Variants in NTSR1 observed in about 807,000 individuals in gnomAD.
NTSR1 encodes neurotensin receptor 1, also known as neurotensin receptor type 1.
In NTSR1, 29 loss-of-function variants were observed where a neutral mutation model predicts 31.2. The ratio of observed to expected loss-of-function variants is 0.93; its 90% CI spans 0.69 to 1.27. The LOEUF (loss-of-function observed/expected upper bound fraction) is 1.27, where lower values mean the gene tolerates loss of function less well. NTSR1 is among the 50% of genes most tolerant of loss of function. NTSR1 has a pLI of 0.00. For synonymous variants in NTSR1, 282 were observed against 269.9 expected (o/e 1.04, Z -0.44); for missense variants, 697 against 595.4 (o/e 1.17, Z -1.78).
At chr20:62,759,867 T>C in intron 3 of NTSR1, 151 bp from the exon 4 acceptor site, 1 of 750,606 alleles carries the variant, frequency 1.3e-6, no homozygotes, top group Non-Finnish European at 2.2e-6. Context: ...TGGAGCTTGT[T>C]ATGAAATGTC....
intron 1 of NTSR1, among the ~76,000 whole-genome samples, chr20:62,718,103 C>A (rs764717713): frequency 6.6e-6 from 1 of 152,086 alleles, no homozygotes; most frequent in Non-Finnish European, 1.5e-5. Flanking sequence ...GCGGGGTGGC[C>A]GGAGCGGAGG....
At chr20:62,725,532 G>T (rs942002549) in intron 1 of NTSR1, among the ~76,000 whole-genome samples, 27 of 152,292 alleles carry the variant, frequency 1.8e-4, no homozygotes, top group Admixed American at 1.3e-3. Context: ...GTGGAAAGAG[G>T]TCCCCTGGAT....
chr20:62,760,449 G>A lies in NTSR1; in HGVS notation c.*182G>A, dbSNP rs372564369. On this transcript the variant is annotated 3_prime_UTR_variant, in exon 4 of 4. Transcript: ENST00000370501. ...CCCATGTTTCTCATTAGTGTCTCCC[G>A]GGCCTGTCCCCAACTCCTCCCCACC... 7.8e-5 allele frequency: 43 copies of A among 552,386 alleles called. No homozygotes were observed. Among genetic ancestry groups the A allele is most frequent in the Non-Finnish European group, 9.8e-5 (33 of 336,244 alleles). 34.2% of individuals were successfully genotyped at this position (552,386 alleles called of 1,614,324 possible). A position where few individuals can be genotyped will look rare whatever the true frequency, so the allele number is the denominator to read the frequency against.
chr20:62,743,304 G>T lies in NTSR1; in HGVS notation c.715-11381G>T, dbSNP rs1006935342. On this transcript the variant is annotated intron_variant, in intron 1 of 3. Coordinates refer to ENST00000370501, the MANE Select transcript of NTSR1 (RefSeq NM_002531.3). The surrounding 1 kb of genome is among the most constrained non-coding windows in gnomAD (Gnocchi z 7.5). ...GGGTTTCGAACAAGCCTGTGCTGACGGCCCTGGCACACAGGGTTTCTGAAT... is the reference window on the plus strand; with the variant it reads ...GGGTTTCGAACAAGCCTGTGCTGACTGCCCTGGCACACAGGGTTTCTGAAT... Among the ~76,000 whole-genome samples, 1 of 145,602 alleles carries T rather than the reference G, an allele frequency of 6.9e-6. No homozygotes were observed. Among genetic ancestry groups the T allele is most frequent in the Admixed American group, 7.1e-5 (1 of 14,112 alleles).
intron 1 of NTSR1, among the ~76,000 whole-genome samples, chr20:62,746,912 T>C (rs939288455): frequency 1.3e-5 from 2 of 152,232 alleles, no homozygotes; most frequent in African/African-American, 4.8e-5. Flanking sequence ...TTCTAACTCA[T>C]CTTACAAGGT....
Position 62,759,590 on chromosome 20 carries a change from C to T in NTSR1, c.1008-428C>T, listed in dbSNP as rs546551345. ...GAGATCGAGACCATCCTGGCTAACA[C>T]GGTGAAACCCCGTCTCTACCAAAAA... On this transcript the variant is annotated intron_variant, in intron 3 of 3. Coordinates refer to ENST00000370501, the MANE Select transcript of NTSR1 (RefSeq NM_002531.3). Among the ~76,000 whole-genome samples the T allele has an allele frequency of 7.6e-3, 1,159 of 152,008 alleles. 17 individuals are homozygous for T. The highest frequency in any genetic ancestry group is 0.026 in the African/African-American group (1,084 of 41,452).
At position 62,709,093 on chromosome 20, in the gene NTSR1, C is replaced by G; in HGVS notation, c.-115C>G. 1.2e-6 allele frequency: 1 copy of G among 869,414 alleles called. No individual in the cohort carries two copies. The highest frequency in any genetic ancestry group is 1.6e-6 in the Non-Finnish European group (1 of 626,776). 53.9% of individuals were successfully genotyped at this position (869,414 alleles called of 1,614,324 possible). On this transcript the variant is annotated 5_prime_UTR_variant, in exon 1 of 4. Transcript: ENST00000370501. The stretch of plus-strand genomic sequence containing the variant: ...TGGACGGCGCGCCCGCTGGTCTTCG[C>G]CACGCGCCCTCCCCTGGGCTCCCGT...
Position 62,758,356 on chromosome 20 carries a change from C to G in NTSR1, c.1007C>G (p.Pro336Arg), listed in dbSNP as rs138591224. Residue 336 changes from proline to arginine, a missense_variant and splice_region_variant, in exon 3 of 4, where the codon CCG (proline) becomes CGG (arginine). Physicochemically the swap from Pro to Arg is moderately radical, Grantham distance 103 (BLOSUM62 -2). Coordinates refer to ENST00000370501, the MANE Select transcript of NTSR1 (RefSeq NM_002531.3). This position sits in a 1 kb window ranked among gnomAD's most constrained non-coding sequence, Gnocchi z 4.5. ...FCYISDEQWT[P>R]FLYDFYHYFY... The stretch of plus-strand genomic sequence containing the variant: ...TACATCTCGGATGAGCAGTGGACTC[C>G]GTGAGTACCGGGAACCAGGAAGTTG... The G allele has an allele frequency of 6.8e-6, 11 of 1,613,058 alleles. No homozygotes were observed. The highest frequency in any genetic ancestry group is 8.5e-6 in the Non-Finnish European group (10 of 1,179,600).
At chr20:62,749,743 G>C (rs1300502438) in intron 1 of NTSR1, among the ~76,000 whole-genome samples, 1 of 152,164 alleles carries the variant, frequency 6.6e-6, no homozygotes, top group African/African-American at 2.4e-5. Context: ...ACCACAGTGA[G>C]CTATCACTGT....
At chr20:62,729,894 A>G (rs544621383) in intron 1 of NTSR1, among the ~76,000 whole-genome samples, 15 of 152,240 alleles carry the variant, frequency 9.9e-5, no homozygotes, top group African/African-American at 3.4e-4. Flanking sequence ...AAGTGCTGGG[A>G]TGACAGGCCT....
chr20:62,719,840 C>T (rs1364163066), intron 1 of NTSR1, among the ~76,000 whole-genome samples: 1 of 152,182 alleles, frequency 6.6e-6, no homozygotes, highest in Non-Finnish European at 1.5e-5. Context: ...TTATCTTCAT[C>T]TGGTTTTCTG....
chr20:62,721,868 G>A (rs1259174733), intron 1 of NTSR1, among the ~76,000 whole-genome samples: 1 of 152,098 alleles, frequency 6.6e-6, no homozygotes, highest in Non-Finnish European at 1.5e-5. Context: ...ATTTGCTCTT[G>A]GAATGGTTGC....
intron 1 of NTSR1, among the ~76,000 whole-genome samples, chr20:62,724,381 AC>A (rs1264928738): frequency 6.6e-6 from 1 of 152,142 alleles, no homozygotes; most frequent in Non-Finnish European, 1.5e-5. Flanking sequence ...CAAGGCCCCT[AC>A]CCTGGCGAAC....
chr20:62,723,178 G>A (rs540016491), intron 1 of NTSR1, among the ~76,000 whole-genome samples: 32 of 152,280 alleles, frequency 2.1e-4, no homozygotes, highest in African/African-American at 6.5e-4. Flanking sequence ...ATTCAAACAC[G>A]GTTCCTCTCC....
chr20:62,713,577 G>T lies in NTSR1; in HGVS notation c.714+3656G>T, dbSNP rs1272007059. ...AGCAACCTCCACAGGCAGCATCCTT[G>T]TTCTTAGGAAGGATACAGAGGTGTT... On this transcript the variant is annotated intron_variant, in intron 1 of 3. Coordinates refer to ENST00000370501, the MANE Select transcript of NTSR1 (RefSeq NM_002531.3). 2.0e-5 allele frequency among the ~76,000 whole-genome samples: 3 copies of T among 152,218 alleles called. No homozygotes were observed. In the East Asian group the frequency reaches 5.8e-4, roughly 29 times the overall value.
At chr20:62,712,536 C>A (rs4270401) in intron 1 of NTSR1, among the ~76,000 whole-genome samples, 2 of 152,200 alleles carry the variant, frequency 1.3e-5, no homozygotes, top group Non-Finnish European at 2.9e-5. Context: ...GGGCATTTTC[C>A]TAGTGTGTAG....
chr20:62,758,870 C>A lies in NTSR1; in HGVS notation c.1007+514C>A, dbSNP rs1017586444. On this transcript the variant is annotated intron_variant, in intron 3 of 3. Coordinates refer to ENST00000370501, the MANE Select transcript of NTSR1 (RefSeq NM_002531.3). The surrounding 1 kb of genome is among the most constrained non-coding windows in gnomAD (Gnocchi z 4.5). ...GGAAGACCAGATGCAGCTTCCAGGG[C>A]CCCCTCCCAGAGGAGCCTCACAGGA... Among the ~76,000 whole-genome samples, 1 of 152,200 alleles carries A rather than the reference C, an allele frequency of 6.6e-6. No homozygotes were observed. The highest frequency in any genetic ancestry group is 1.5e-5 in the Non-Finnish European group (1 of 68,028).
rs113022685 is a variant in NTSR1 at position 62,719,579 on chromosome 20, C to A, written c.714+9658C>A. 2.2e-3 allele frequency among the ~76,000 whole-genome samples: 341 copies of A among 152,262 alleles called. 3 individuals are homozygous for A. Among genetic ancestry groups the A allele is most frequent in the African/African-American group, 6.5e-3 (269 of 41,536 alleles). On this transcript the variant is annotated intron_variant, in intron 1 of 3. Coordinates refer to ENST00000370501, the MANE Select transcript of NTSR1 (RefSeq NM_002531.3). ...AAGCTCTGCGCCTGTTAAACACTAA[C>A]TCCCCATCTCCTCCTCCCCCAGCCC...
Position 62,709,822 on chromosome 20 carries a change from C to A in NTSR1, c.615C>A (p.Phe205Leu). 2 of 1,612,584 alleles carry A rather than the reference C, an allele frequency of 1.2e-6. No homozygotes were observed. Among genetic ancestry groups the A allele is most frequent in the East Asian group, 4.5e-5 (2 of 44,848 alleles). Reference sequence around the variant, plus strand: ...CCCTGCTGGCGGTGCCTATGCTGTTCACCATGGGCGAGCAGAACCGCAGCG... The same window carrying A: ...CCCTGCTGGCGGTGCCTATGCTGTTAACCATGGGCGAGCAGAACCGCAGCG... ...ASALLAVPMLFTMGEQNRSAD... is the reference protein window; with the variant it reads ...ASALLAVPMLLTMGEQNRSAD... Residue 205 changes from phenylalanine to leucine, a missense_variant, in exon 1 of 4, where the codon TTC becomes TTA. Transcript: ENST00000370501.
Sources: gnomAD v4.1 joint callset for allele counts (sites outside exome capture counted in the v4.1 genomes callset) on GRCh38, gnomAD v4.1.1 for gene constraint, Gnocchi (gnomAD v3.1) non-coding constraint, MANE v1.5 for transcripts, NCBI Gene and HGNC (gene_info 2026-07-23, HGNC 2026-07-21) for gene names.